Variants in CCDC12 observed in about 807,000 individuals in gnomAD.
CCDC12 encodes coiled-coil domain containing 12, also known as coiled-coil domain-containing protein 12.
In CCDC12, 28 loss-of-function variants were observed where a neutral mutation model predicts 25.7. That is an observed-to-expected ratio of 1.09 (90% CI 0.81 to 1.50). The LOEUF (loss-of-function observed/expected upper bound fraction) is 1.50. Ranked by LOEUF, CCDC12 falls within the 40% of genes most tolerant of loss-of-function variation. CCDC12 has a pLI of 0.00. For missense variants in CCDC12, 198 were observed against 210.0 expected (o/e 0.94, Z 0.35); for synonymous variants, 75 against 87.7 (o/e 0.86, Z 0.81).
chr3:46,976,323 C>T, intron 1 of CCDC12: 1 of 1,270,914 alleles, frequency 7.9e-7, no homozygotes, highest in South Asian at 1.9e-5. Flanking sequence ...CAACAAGCAT[C>T]TGAACCTACA....
intron 1 of CCDC12, among the ~76,000 whole-genome samples, chr3:46,975,526 CTTTT>C (rs3028814): frequency 3.6e-5 from 3 of 82,548 alleles, no homozygotes; most frequent in Admixed American, 1.6e-4. Flanking sequence ...TAAATCTTTT[CTTTT>C]TTTTTTTTTT....
At chr3:46,946,827 C>T (rs1264610071) in intron 1 of CCDC12, among the ~76,000 whole-genome samples, 3 of 152,192 alleles carry the variant, frequency 2.0e-5, no homozygotes, top group Non-Finnish European at 4.4e-5. Context: ...TGTGCCGAAG[C>T]AGGAGGACTT....
At chr3:46,954,128 G>A (rs1254989075) in intron 1 of CCDC12, among the ~76,000 whole-genome samples, 1 of 152,024 alleles carries the variant, frequency 6.6e-6, no homozygotes, top group African/African-American at 2.4e-5. Context: ...GAGGAATCAG[G>A]CACAGGGGGC....
intron 1 of CCDC12, among the ~76,000 whole-genome samples, chr3:46,957,860 T>TG (rs1338524398): frequency 1.3e-5 from 2 of 151,880 alleles, no homozygotes; most frequent in African/African-American, 4.8e-5. Context: ...GGAGAATCAC[T>TG]TAAACCCAGG....
intron 1 of CCDC12, among the ~76,000 whole-genome samples, chr3:46,951,798 A>AAAAAAAAAAAAAAAAAAAAATATAT: frequency 2.4e-4 from 2 of 8,468 alleles, no homozygotes; most frequent in Non-Finnish European, 2.8e-4. Context: ...AAAAAAAAAA[A>AAAAAAAAAAAAAAAAAAAAATATAT]ATATATATAT....
intron 1 of CCDC12, among the ~76,000 whole-genome samples, chr3:46,950,109 G>C (rs1169349484): frequency 6.6e-6 from 1 of 151,836 alleles, no homozygotes; most frequent in East Asian, 1.9e-4. Flanking sequence ...TCAGCGATGG[G>C]CCTAATTCGA....
At chr3:46,970,669 G>A (rs1273116506) in intron 1 of CCDC12, among the ~76,000 whole-genome samples, 1 of 152,226 alleles carries the variant, frequency 6.6e-6, no homozygotes, top group Non-Finnish European at 1.5e-5. Flanking sequence ...AGCAGCAAGA[G>A]ACAGCCCAAT....
intron 1 of CCDC12, among the ~76,000 whole-genome samples, chr3:46,969,901 CTTTTTT>C (rs58273135): frequency 9.9e-5 from 11 of 111,200 alleles, no homozygotes; most frequent in East Asian, 2.6e-4. Context: ...AGCCATATTT[CTTTTTT>C]TTTTTTTTTT....
chr3:46,939,635 C>T (rs1461910418), intron 2 of CCDC12, among the ~76,000 whole-genome samples: 1 of 152,146 alleles, frequency 6.6e-6, no homozygotes, highest in East Asian at 1.9e-4. Context: ...TGAGGCCCAA[C>T]AAAAAGCCCC....
chr3:46,972,554 C>G (rs932655376), intron 1 of CCDC12, among the ~76,000 whole-genome samples: 1 of 152,002 alleles, frequency 6.6e-6, no homozygotes, highest in Non-Finnish European at 1.5e-5. Flanking sequence ...TGTTCAACAT[C>G]ACTCATCACT....
intron 1 of CCDC12, among the ~76,000 whole-genome samples, chr3:46,971,072 G>T (rs1348566930): frequency 6.6e-6 from 1 of 152,194 alleles, no homozygotes; most frequent in Non-Finnish European, 1.5e-5. Flanking sequence ...ACTCCCTGGA[G>T]CATCTCCACT....
Position 46,923,687 on chromosome 3 carries a change from CA to C in CCDC12, c.245-20del, listed in dbSNP as rs1427424150. 6.7e-7 allele frequency: 1 copy of C among 1,501,172 alleles called. No homozygotes were observed. The highest frequency in any genetic ancestry group is 2.4e-5 in the East Asian group (1 of 41,450). 93.0% of individuals were successfully genotyped at this position (1,501,172 alleles called of 1,614,324 possible). On this transcript the variant is annotated intron_variant, in intron 3 of 6. Transcript: ENST00000683445. ...TCCTCCACTAGAGGGTGCAATTAAA[CA>C]GAGAAGGCCTGTGGAAAACGCGCTG...
chr3:46,951,717 T>C (rs1302344999), intron 1 of CCDC12, among the ~76,000 whole-genome samples: 1 of 138,898 alleles, frequency 7.2e-6, no homozygotes, highest in Non-Finnish European at 1.5e-5. Flanking sequence ...GAGGCGGAGC[T>C]TGCAGTGAGC....
chr3:46,960,360 G>A (rs2034426856), intron 1 of CCDC12, among the ~76,000 whole-genome samples: 1 of 152,152 alleles, frequency 6.6e-6, no homozygotes, highest in Non-Finnish European at 1.5e-5. Flanking sequence ...GGACTCCTGG[G>A]CCCAGGACAG....
At chr3:46,966,930 C>T (rs956714034) in intron 1 of CCDC12, among the ~76,000 whole-genome samples, 5 of 152,166 alleles carry the variant, frequency 3.3e-5, no homozygotes, top group Non-Finnish European at 5.9e-5. Flanking sequence ...CCGCCCCACC[C>T]CACCAAGTTT....
chr3:46,972,637 A>C (rs1385588889), intron 1 of CCDC12, among the ~76,000 whole-genome samples: 1 of 152,132 alleles, frequency 6.6e-6, no homozygotes, highest in East Asian at 1.9e-4. Context: ...AATTAAAAAA[A>C]CGAAAAAAGA....
At chr3:46,973,092 C>T (rs1457473499) in intron 1 of CCDC12, among the ~76,000 whole-genome samples, 1 of 151,564 alleles carries the variant, frequency 6.6e-6, no homozygotes, top group Non-Finnish European at 1.5e-5. Flanking sequence ...TGGTGGCTCA[C>T]GCCTGTAATC....
At chr3:46,937,135 GGT>G (rs762208577) in intron 2 of CCDC12, among the ~76,000 whole-genome samples, 3 of 152,184 alleles carry the variant, frequency 2.0e-5, no homozygotes, top group Non-Finnish European at 4.4e-5. Flanking sequence ...CTCCTGAGAT[GGT>G]GAGGGGGTCA....
At chr3:46,949,792 G>A (rs1486318315) in intron 1 of CCDC12, among the ~76,000 whole-genome samples, 1 of 152,116 alleles carries the variant, frequency 6.6e-6, no homozygotes, top group Non-Finnish European at 1.5e-5. Flanking sequence ...ACTTTGGGAG[G>A]CCAAGGCAGG....
Sources: allele counts gnomAD v4.1 joint callset (sites outside exome capture counted in the v4.1 genomes callset), GRCh38; gene constraint gnomAD v4.1.1; transcripts MANE v1.5; gene names NCBI Gene and HGNC (gene_info 2026-07-23, HGNC 2026-07-21).